FBXL6: variants seen among roughly 807,000 people sequenced by gnomAD.
FBXL6 encodes the protein F-box and leucine rich repeat protein 6.
FBXL6 carries 50 observed loss-of-function variants against 53.3 expected under a neutral mutation model. That is an observed-to-expected ratio of 0.94 (90% CI 0.75 to 1.19). FBXL6 has a LOEUF of 1.19. Among genes scored for constraint, FBXL6 ranks in the 50% most tolerant of loss-of-function variants. The pLI is 0.00. For synonymous variants in FBXL6, 405 were observed against 322.9 expected (o/e 1.25, Z -2.73); for missense variants, 815 against 719.0 (o/e 1.13, Z -1.53).
At position 144,357,582 on chromosome 8, in the gene FBXL6, G is replaced by A. The variant is rs781851282; in HGVS notation, c.575+46C>T. The A allele has an allele frequency of 4.4e-6, 7 of 1,608,018 alleles. No individual in the cohort carries two copies. The South Asian group carries it at 4.4e-5, about 10-fold the overall frequency. On this transcript the variant is annotated intron_variant, in intron 2 of 8. Transcript: ENST00000331890. ...ACCCAACACCTTGGTGCAGGGAGAC[G>A]GAAGGAGCCTGGAGCCAGGGGTAAG...
At position 144,356,455 on chromosome 8, in the gene FBXL6, C is replaced by A. The variant is rs782061546; in HGVS notation, c.1070G>T (p.Ser357Ile). ...RGVAPGPGFP[S>I]LEELCLASST... ...GCTCGCCAGGCAGAGCTCCTCTAGG[C>A]TAGGGAAGCCTGGTCCGGGAGCCAC... is the stretch of plus-strand genomic sequence containing the variant. The change falls in exon 7 of 9, where the codon AGC (serine) becomes ATC (isoleucine). Residue 357 changes from serine to isoleucine, a missense_variant. Transcript: ENST00000331890. 4.3e-6 allele frequency: 7 copies of A among 1,612,852 alleles called. No individual in the cohort carries two copies. Among genetic ancestry groups the A allele is most frequent in the South Asian group, 1.1e-5 (1 of 91,092 alleles).
rs989273741 is a variant in FBXL6, at chr8:144,357,743, G to T, written c.460C>A (p.Pro154Thr). The T allele has an allele frequency of 1.9e-6, 3 of 1,600,768 alleles. No homozygotes were observed. Among genetic ancestry groups the T allele is most frequent in the African/African-American group, 1.3e-5 (1 of 74,794 alleles). The change falls in exon 2 of 9, where the codon CCC becomes ACC. Residue 154 changes from proline (P) to threonine (T), a missense_variant. Transcript: ENST00000331890. ...CRRWQEAASQ[P>T]ALWHTVTLSS... ...AGGGTCACGGTGTGCCAGAGCGCGGGTTGGGAAGCGGCCTCCTGCCAGCGG... is the reference window on the plus strand; with the variant it reads ...AGGGTCACGGTGTGCCAGAGCGCGGTTTGGGAAGCGGCCTCCTGCCAGCGG...
At position 144,356,546 on chromosome 8, in the gene FBXL6, C is replaced by T. The variant is rs782352980; in HGVS notation, c.994-15G>A. 13 of 1,612,960 alleles carry T rather than the reference C, an allele frequency of 8.1e-6. No individual in the cohort carries two copies. Among genetic ancestry groups the T allele is most frequent in the Non-Finnish European group, 8.5e-6 (10 of 1,179,924 alleles). Reference sequence around the variant, plus strand: ...AGCCGCAGCACCTGGGGGCAAGGTCCAGGCTGTAGATGGGGGAGGGTGTGA... The same window carrying T: ...AGCCGCAGCACCTGGGGGCAAGGTCTAGGCTGTAGATGGGGGAGGGTGTGA... On this transcript the variant is annotated splice_polypyrimidine_tract_variant and intron_variant, in intron 6 of 8. Coordinates refer to ENST00000331890, the MANE Select transcript of FBXL6 (RefSeq NM_012162.4).
In FBXL6 at chr8:144,357,468, A is replaced by C. The variant is rs782793972; in HGVS notation, c.610T>G (p.Trp204Gly). Reference sequence around the variant, plus strand: ...AACACGGGGTGTACCTGAGACTTCCAGTGGATGAGGGTCAGCCTCTGGAGC... The same window carrying C: ...AACACGGGGTGTACCTGAGACTTCCCGTGGATGAGGGTCAGCCTCTGGAGC... ...SQLQRLTLIH[W>G]KSQVHPVLKL... Residue 204 changes from tryptophan to glycine, a missense_variant, in exon 3 of 9, where the codon TGG becomes GGG. Transcript: ENST00000331890. 6.2e-7 allele frequency: 1 copy of C among 1,613,328 alleles called. No individual in the cohort carries two copies. The highest frequency in any genetic ancestry group is 8.5e-7 in the Non-Finnish European group (1 of 1,179,858).
rs782255518 is a variant in FBXL6 at position 144,355,535 on chromosome 8, C to T, written c.1616G>A (p.Ser539Asn). 1.2e-6 allele frequency: 2 copies of T among 1,608,212 alleles called. No homozygotes were observed. The highest frequency in any genetic ancestry group is 2.7e-5 in the African/African-American group (2 of 74,830). ...GTGTCCCAGGTCTGTGGCTGCCTAGCTGGGTGAGGGGCTGGTGAGCAGCTG... is the reference window on the plus strand; with the variant it reads ...GTGTCCCAGGTCTGTGGCTGCCTAGTTGGGTGAGGGGCTGGTGAGCAGCTG... ...LEQLLTSPSP[S>N] Residue 539 changes from serine to asparagine, a missense_variant, in exon 9 of 9, where the codon AGC becomes AAC. Transcript: ENST00000331890.
rs782439127 is a variant in FBXL6 at position 144,356,537 on chromosome 8, G to A, written c.994-6C>T. ...AGGTTCAACAGCCGCAGCACCTGGG[G>A]GCAAGGTCCAGGCTGTAGATGGGGG... On this transcript the variant is annotated splice_region_variant and splice_polypyrimidine_tract_variant and intron_variant, in intron 6 of 8. Transcript: ENST00000331890. 1.2e-6 allele frequency: 2 copies of A among 1,612,964 alleles called. No individual in the cohort carries two copies. The highest frequency in any genetic ancestry group is 2.2e-5 in the East Asian group (1 of 44,882).
chr8:144,357,961 C>G (rs1433178308), intron 1 of FBXL6, 71 bp downstream of exon 1: 1 of 1,491,268 alleles, frequency 6.7e-7, no homozygotes, highest in African/African-American at 1.4e-5. Flanking sequence ...TCCGCCCCCG[C>G]CCGGGCCACC....
chr8:144,357,306 A>G, intron 3 of FBXL6, 133 bp downstream of exon 3: 2 of 1,282,072 alleles, frequency 1.6e-6, no homozygotes, highest in Non-Finnish European at 2.2e-6. Flanking sequence ...ACAGCAGGAA[A>G]AGAGAACCAG....
Position 144,356,028 on chromosome 8 carries a change from G to A in FBXL6, c.1412C>T (p.Ser471Leu). The A allele has an allele frequency of 6.2e-7, 1 of 1,613,092 alleles. No homozygotes were observed. The highest frequency in any genetic ancestry group is 2.2e-5 in the East Asian group (1 of 44,890). ...GTTAAGAGAGCACAGGGCTGGGTGT[G>A]AGCCCCCAGGGGTGCTTAAGAAGGC... ...LAAFLSTPGG[S>L]HPALCSLNLR... The change falls in exon 8 of 9, where the codon TCA becomes TTA. Residue 471 changes from serine to leucine, a missense_variant. Coordinates refer to ENST00000331890, the MANE Select transcript of FBXL6 (RefSeq NM_012162.4).
rs1818471139 is a variant in FBXL6 at position 144,356,898 on chromosome 8, C to T, written c.789G>A (p.Val263=). 1 of 1,613,266 alleles carries T rather than the reference C, an allele frequency of 6.2e-7. No homozygotes were observed. Among genetic ancestry groups the T allele is most frequent in the African/African-American group, 1.3e-5 (1 of 74,926 alleles). The change falls in exon 5 of 9, where the codon GTG becomes GTA. Residue 263 remains valine, a synonymous_variant. Coordinates refer to ENST00000331890, the MANE Select transcript of FBXL6 (RefSeq NM_012162.4). ...ACCCTGCCTCCTCCAAGAAGCTCAC[C>T]ACAGCTGTGGACTCCACCTGGGGCC... ...LQHSMVESTA[V]VSFLEEAGSR...
intron 8 of FBXL6, 120 bp downstream of exon 8, chr8:144,355,848 C>T: frequency 6.5e-7 from 1 of 1,537,922 alleles, no homozygotes. Flanking sequence ...GGGGCTTGGA[C>T]AGTATGCATG....
Position 144,356,340 on chromosome 8 carries a change from C to T in FBXL6, c.1185G>A (p.Ala395=), listed in dbSNP as rs782288913. ...NLRLLDLRGC[A]RITPAGLQDL... ...CCTGAAGGCCAGCCGGCGTGATGCG[C>T]GCACAGCCACGAAGATCCAGTAAGC... Residue 395 remains alanine (A), a synonymous_variant, in exon 7 of 9, where the codon GCG becomes GCA. Coordinates refer to ENST00000331890, the MANE Select transcript of FBXL6 (RefSeq NM_012162.4). 14 of 1,612,904 alleles carry T rather than the reference C, an allele frequency of 8.7e-6. No individual in the cohort carries two copies. Among genetic ancestry groups the T allele is most frequent in the African/African-American group, 1.3e-5 (1 of 74,948 alleles).
intron 5 of FBXL6, 39 bp downstream of exon 5, chr8:144,356,769 G>C (rs968956255): frequency 6.2e-7 from 1 of 1,611,534 alleles, no homozygotes; most frequent in Non-Finnish European, 8.5e-7. Flanking sequence ...GCAGTCCCCA[G>C]CTCAGCATCT....
chr8:144,357,390 C>G, intron 3 of FBXL6, 49 bp downstream of exon 3: 1 of 1,570,818 alleles, frequency 6.4e-7, no homozygotes, highest in Non-Finnish European at 8.7e-7. Flanking sequence ...GAGTACTGAA[C>G]AGTCCCAGAG....
rs1554852816 is a variant in FBXL6 at position 144,356,485 on chromosome 8, C to T, written c.1040G>A (p.Arg347Gln). The T allele has an allele frequency of 5.0e-6, 8 of 1,612,960 alleles. No individual in the cohort carries two copies. The highest frequency in any genetic ancestry group is 3.3e-5 in the South Asian group (3 of 91,088). Residue 347 changes from arginine to glutamine, a missense_variant, in exon 7 of 9, where the codon CGA (arginine) becomes CAA (glutamine). Transcript: ENST00000331890. ...GAAGCCTGGTCCGGGAGCCACCCCT[C>T]GTCCCGGAGGCTTGGGCAGCCACAT... ...NLMWLPKPPG[R>Q]GVAPGPGFPS...
chr8:144,356,779 T>C, intron 5 of FBXL6, 29 bp downstream of exon 5: 1 of 1,612,620 alleles, frequency 6.2e-7, no homozygotes, highest in Non-Finnish European at 8.5e-7. Flanking sequence ...GCTCAGCATC[T>C]GCCTCTGCTC....
intron 8 of FBXL6, 111 bp downstream of exon 8, chr8:144,355,857 T>C (rs1818378005): frequency 6.5e-7 from 1 of 1,546,840 alleles, no homozygotes; most frequent in African/African-American, 1.4e-5. Context: ...ACAGTATGCA[T>C]GCCCCTCTGA....
Position 144,356,012 on chromosome 8 carries a change from G to C in FBXL6, c.1428C>G (p.Cys476Trp), listed in dbSNP as rs953260847. The C allele has an allele frequency of 1.2e-6, 2 of 1,613,138 alleles. No homozygotes were observed. Among genetic ancestry groups the C allele is most frequent in the Non-Finnish European group, 1.7e-6 (2 of 1,180,002 alleles). The stretch of plus-strand genomic sequence containing the variant: ...CCCGGGTGCCCCTGAGGTTAAGAGA[G>C]CACAGGGCTGGGTGTGAGCCCCCAG... ...STPGGSHPAL[C>W]SLNLRGTRVT... Residue 476 changes from cysteine to tryptophan, a missense_variant, in exon 8 of 9, where the codon TGC (cysteine) becomes TGG (tryptophan). Physicochemically the swap from Cys to Trp is radical, Grantham distance 215. Transcript: ENST00000331890.
rs2130620361 is a variant in FBXL6 at position 144,357,668 on chromosome 8, T to C, written c.535A>G (p.Lys179Glu). 6.2e-7 allele frequency: 1 copy of C among 1,610,864 alleles called. No homozygotes were observed. Among genetic ancestry groups the C allele is most frequent in the East Asian group, 2.2e-5 (1 of 44,822 alleles). ...CACTCCAGGGAAGCAAGGAGCTTCTTCTCCGCCTTGACCCCGCCCTTGGCA... is the reference window on the plus strand; with the variant it reads ...CACTCCAGGGAAGCAAGGAGCTTCTCCTCCGCCTTGACCCCGCCCTTGGCA... ...RPAKGGVKAE[K>E]KLLASLEWLM... Residue 179 changes from lysine (K) to glutamate (E), a missense_variant, in exon 2 of 9, where the codon AAG becomes GAG. Physicochemically the swap from Lys to Glu is moderately conservative, Grantham distance 56 (BLOSUM62 1). Coordinates refer to ENST00000331890, the MANE Select transcript of FBXL6 (RefSeq NM_012162.4).
Sources: gnomAD v4.1 joint callset for allele counts on GRCh38, gnomAD v4.1.1 for gene constraint, MANE v1.5 for transcripts, NCBI Gene and HGNC (gene_info 2026-07-23, HGNC 2026-07-21) for gene names.